Variants in DNAH7 observed in about 807,000 individuals in gnomAD.
The protein encoded by DNAH7 is axonemal beta dynein heavy chain 7.
A neutral mutation model predicts 444.6 loss-of-function variants in DNAH7; 397 were observed. The ratio of observed to expected loss-of-function variants is 0.89; its 90% CI spans 0.82 to 0.97. The LOEUF is 0.97. Ranked by LOEUF, DNAH7 falls within the 50% of genes least tolerant of loss-of-function variation. DNAH7 has a pLI of 0.00. For missense variants in DNAH7, 4,902 were observed against 4,800.8 expected (o/e 1.02, Z -0.62); for synonymous variants, 1,636 against 1,624.4 (o/e 1.01, Z -0.17).
At chr2:195,931,357 T>C (rs1201606931) in intron 21 of DNAH7, among the ~76,000 whole-genome samples, 2 of 152,078 alleles carry the variant, frequency 1.3e-5, no homozygotes, top group African/African-American at 2.4e-5. Flanking sequence ...GAAAATTTTC[T>C]CCCATTCTGT....
At chr2:195,922,439 C>G (rs761963417) in intron 23 of DNAH7, among the ~76,000 whole-genome samples, 1 of 152,062 alleles carries the variant, frequency 6.6e-6, no homozygotes, top group African/African-American at 2.4e-5. Flanking sequence ...TATTTTTAAT[C>G]ATTTTGTGTT....
chr2:196,061,427 C>T (rs1447065138), intron 1 of DNAH7, among the ~76,000 whole-genome samples: 1 of 152,062 alleles, frequency 6.6e-6, no homozygotes, highest in African/African-American at 2.4e-5. Flanking sequence ...TTAATGTGTC[C>T]AAAATATTGT....
intron 5 of DNAH7, among the ~76,000 whole-genome samples, chr2:196,036,861 T>C (rs1437975342): frequency 6.6e-6 from 1 of 152,078 alleles, no homozygotes; most frequent in East Asian, 1.9e-4. Context: ...AGGACTGGCA[T>C]TCCCAGGGCT....
At chr2:195,794,607 G>GA in intron 56 of DNAH7, 69 bp from the exon 57 acceptor site, 1 of 1,455,084 alleles carries the variant, frequency 6.9e-7, no homozygotes, top group Non-Finnish European at 9.6e-7. Context: ...GCATACATAT[G>GA]AAGGATGAGT....
At chr2:195,823,630 TTCAC>T (rs1238083766) in intron 49 of DNAH7, among the ~76,000 whole-genome samples, 1 of 152,066 alleles carries the variant, frequency 6.6e-6, no homozygotes, top group South Asian at 2.1e-4. Flanking sequence ...AAAGCAATCC[TTCAC>T]TCACTCATTC....
chr2:195,786,689 T>C (rs766319409), intron 58 of DNAH7, among the ~76,000 whole-genome samples: 1 of 151,596 alleles, frequency 6.6e-6, no homozygotes, highest in Non-Finnish European at 1.5e-5. Flanking sequence ...TTTTTACATT[T>C]TGGAACCTGG....
At chr2:195,806,404 CA>C (rs1418242984) in intron 54 of DNAH7, among the ~76,000 whole-genome samples, 2 of 152,110 alleles carry the variant, frequency 1.3e-5, no homozygotes, top group African/African-American at 4.8e-5. Context: ...TTGATGTTGA[CA>C]TCACTGACTA....
At chr2:195,848,337 T>G (rs1273637097) in intron 46 of DNAH7, among the ~76,000 whole-genome samples, 2 of 152,250 alleles carry the variant, frequency 1.3e-5, no homozygotes, top group East Asian at 3.8e-4. Flanking sequence ...CCTGGCACCA[T>G]GCCAGGTTAT....
At chr2:195,831,225 C>G (rs1465062506) in intron 48 of DNAH7, among the ~76,000 whole-genome samples, 1 of 152,170 alleles carries the variant, frequency 6.6e-6, no homozygotes, top group African/African-American at 2.4e-5. Context: ...ATAGCTAATA[C>G]AGATGTACCT....
intron 63 of DNAH7, among the ~76,000 whole-genome samples, chr2:195,745,372 C>T (rs1310270542): frequency 6.6e-6 from 1 of 152,192 alleles, no homozygotes; most frequent in African/African-American, 2.4e-5. Context: ...ACCAAATCTA[C>T]GTCTCATTGG....
chr2:195,881,918 AT>A lies in DNAH7; in HGVS notation c.5837del (p.Asn1946MetfsTer16). 6.2e-7 allele frequency: 1 copy of A among 1,614,036 alleles called. No individual in the cohort carries two copies. Among genetic ancestry groups the A allele is most frequent in the Non-Finnish European group, 8.5e-7 (1 of 1,179,932 alleles). On this transcript the variant is annotated frameshift_variant, in exon 36 of 65. Transcript: ENST00000312428. LOFTEE classifies it high-confidence loss of function. ...TGTCCAGAGTTGGCACAATGATTTCATTAAACATTACATCTTTAGGAATTGG... is the reference window on the plus strand; with the variant it reads ...TGTCCAGAGTTGGCACAATGATTTCATAAACATTACATCTTTAGGAATTGG... Reference protein sequence around the residue: ...APPIPKDVMFNEIIVPTLDTI... With the variant: ...APPIPKDVMFXEIIVPTLDTI...
intron 24 of DNAH7, among the ~76,000 whole-genome samples, chr2:195,918,024 G>A (rs1318549368): frequency 6.6e-6 from 1 of 152,090 alleles, no homozygotes; most frequent in Non-Finnish European, 1.5e-5. Flanking sequence ...GGAAATATTT[G>A]CAGAAACACG....
chr2:195,897,942 TG>T (rs1412521144), intron 28 of DNAH7, among the ~76,000 whole-genome samples, 177 bp from the exon 29 acceptor site: 3 of 151,778 alleles, frequency 2.0e-5, no homozygotes, highest in Non-Finnish European at 4.4e-5. Flanking sequence ...AAACTTGTTG[TG>T]TTTTTTTTTA....
intron 49 of DNAH7, among the ~76,000 whole-genome samples, chr2:195,821,494 A>G (rs1697468591): frequency 6.6e-6 from 1 of 152,214 alleles, no homozygotes; most frequent in Admixed American, 6.5e-5. Flanking sequence ...CTTAACAAAC[A>G]TAAGCCATGT....
chr2:196,019,967 C>T (rs1695272617), intron 8 of DNAH7, among the ~76,000 whole-genome samples: 1 of 148,068 alleles, frequency 6.8e-6, no homozygotes, highest in Non-Finnish European at 1.5e-5. Context: ...CTTCTTCTTT[C>T]CCTCCTCCTT....
chr2:196,047,502 T>A lies in DNAH7; in HGVS notation c.251-3A>T. On this transcript the variant is annotated splice_region_variant and splice_polypyrimidine_tract_variant and intron_variant, in intron 4 of 64. Coordinates refer to ENST00000312428, the MANE Select transcript of DNAH7 (RefSeq NM_018897.3). ...TCCAAAACGTTCCATGTATTCAGCTTAAATTAAAACAAAAAAAAAAGCACA... is the reference window on the plus strand; with the variant it reads ...TCCAAAACGTTCCATGTATTCAGCTAAAATTAAAACAAAAAAAAAAGCACA... The A allele has an allele frequency of 6.5e-7, 1 of 1,545,722 alleles. No homozygotes were observed.
chr2:195,874,095 A>G (rs1342299125), intron 38 of DNAH7, among the ~76,000 whole-genome samples: 1 of 151,810 alleles, frequency 6.6e-6, no homozygotes, highest in East Asian at 1.9e-4. Context: ...TGACTGACCA[A>G]AGTTTAGGGT....
intron 15 of DNAH7, among the ~76,000 whole-genome samples, chr2:195,978,626 G>C (rs1339603801): frequency 6.6e-6 from 1 of 152,032 alleles, no homozygotes; most frequent in Non-Finnish European, 1.5e-5. Flanking sequence ...AAAAAACATA[G>C]CCTTGCTGAA....
At chr2:195,901,794 G>C (rs1686727633) in intron 27 of DNAH7, 2 of 152,038 alleles carry the variant, frequency 1.3e-5, no homozygotes, top group Admixed American at 1.3e-4. Flanking sequence ...CCGGAAATAA[G>C]TAATACACAA....
Sources: allele counts gnomAD v4.1 joint callset (sites outside exome capture counted in the v4.1 genomes callset), GRCh38; gene constraint gnomAD v4.1.1; transcripts MANE v1.5; gene names NCBI Gene and HGNC (gene_info 2026-07-23, HGNC 2026-07-21).